The following GRM1 variants were observed in gnomAD, a reference collection of about 807,000 sequenced individuals.
GRM1 encodes the protein glutamate metabotropic receptor 1, also known as metabotropic glutamate receptor 1.
Under a neutral mutation model 90.9 loss-of-function variants are expected in GRM1, and 33 were observed. The observed-to-expected ratio is 0.36, with a 90% CI of 0.28 to 0.49. The LOEUF is 0.49. Ranked by LOEUF, GRM1 falls within the 20% of genes least tolerant of loss-of-function variation. The pLI is 0.99. For synonymous variants in GRM1, 700 were observed against 613.2 expected, an observed-to-expected ratio of 1.14 and a Z score of -2.09; for missense variants, 1,190 against 1,534.3, an observed-to-expected ratio of 0.78 and a Z score of 3.75.
At chr6:146,267,697 GCTCGGCTCGT>G (rs1562568768) in intron 2 of GRM1, among the ~76,000 whole-genome samples, 92 of 110,534 alleles carry the variant, frequency 8.3e-4, no homozygotes, top group African/African-American at 4.2e-3. Context: ...GCTCGGCTCG[GCTCGGCTCGT>G]CTCGTCTCGT....
At chr6:146,358,699 T>A (rs1419504031) in intron 5 of GRM1, among the ~76,000 whole-genome samples, 1 of 152,170 alleles carries the variant, frequency 6.6e-6, no homozygotes, top group African/African-American at 2.4e-5. Flanking sequence ...AGTCATATAA[T>A]GCTAAGTTTA....
intron 5 of GRM1, among the ~76,000 whole-genome samples, chr6:146,377,268 G>A (rs1017526680): frequency 6.6e-6 from 1 of 152,116 alleles, no homozygotes; most frequent in African/African-American, 2.4e-5. Context: ...AGTTTGGAGG[G>A]CTCAGAAGAA....
intron 5 of GRM1, among the ~76,000 whole-genome samples, chr6:146,368,668 T>C (rs527325827): frequency 6.6e-6 from 1 of 152,096 alleles, no homozygotes; most frequent in South Asian, 2.1e-4. Context: ...GATGTGGTAT[T>C]AAACCATCCT....
At position 146,139,273 on chromosome 6, in the gene GRM1, G is replaced by A. The variant is rs894123624; in HGVS notation, c.701-20075G>A. ...TTGAGAATTATCCATATGCTGAGAA[G>A]AATATGTATTCTGGAGCCATTGGAT... is the stretch of plus-strand genomic sequence containing the variant. On this transcript the variant is annotated intron_variant, in intron 1 of 7. Coordinates refer to ENST00000282753, the MANE Select transcript of GRM1 (RefSeq NM_001278064.2). Among the ~76,000 whole-genome samples the A allele has an allele frequency of 2.0e-5, 3 of 152,272 alleles. No individual in the cohort carries two copies. In the East Asian group the frequency reaches 5.8e-4, roughly 29 times the overall value.
rs2114823289 is a variant in GRM1 at position 146,270,905 on chromosome 6, CTTT to C, written c.951-33705_951-33703del. Among the ~76,000 whole-genome samples the C allele has an allele frequency of 4.9e-4, 55 of 112,804 alleles. 1 individual carries two copies. Among genetic ancestry groups the C allele is most frequent in the African/African-American group, 2.3e-3 (54 of 23,820 alleles). The allele number at this position is 112,804 out of a possible 152,430, so 74.0% of individuals were successfully genotyped here. ...TCTTTCTTTCTTTCTTTCTTTCTTT[CTTT>C]CTTTCTTCCTTCCTTCCTTCCTTCC... On this transcript the variant is annotated intron_variant, in intron 2 of 7. Coordinates refer to ENST00000282753, the MANE Select transcript of GRM1 (RefSeq NM_001278064.2).
intron 2 of GRM1, among the ~76,000 whole-genome samples, chr6:146,170,436 C>A (rs966227428): frequency 5.9e-5 from 9 of 152,048 alleles, no homozygotes; most frequent in Non-Finnish European, 1.3e-4. Flanking sequence ...TCACATTTCT[C>A]TGAGGCTCCG....
intron 1 of GRM1, among the ~76,000 whole-genome samples, chr6:146,144,674 T>C (rs1457017666): frequency 6.6e-6 from 1 of 152,140 alleles, no homozygotes; most frequent in Non-Finnish European, 1.5e-5. Context: ...AATGAATACC[T>C]GAAAATGTGG....
chr6:146,325,323 A>T (rs1784365439), intron 3 of GRM1, among the ~76,000 whole-genome samples: 1 of 152,226 alleles, frequency 6.6e-6, no homozygotes, highest in Admixed American at 6.5e-5. Context: ...CTATCCTGAG[A>T]TAAGTGACAC....
At chr6:146,113,971 A>G (rs1341489563) in intron 1 of GRM1, among the ~76,000 whole-genome samples, 1 of 152,126 alleles carries the variant, frequency 6.6e-6, no homozygotes, top group Non-Finnish European at 1.5e-5. Flanking sequence ...GAACTGAGCC[A>G]TGTACTCCTC....
At chr6:146,353,719 C>G (rs1165790886) in intron 4 of GRM1, among the ~76,000 whole-genome samples, 1 of 152,144 alleles carries the variant, frequency 6.6e-6, no homozygotes, top group Non-Finnish European at 1.5e-5. Flanking sequence ...AATTTCTGTC[C>G]CCCAGATTCA....
chr6:146,161,604 A>G (rs2128891757), intron 2 of GRM1, among the ~76,000 whole-genome samples: 1 of 152,182 alleles, frequency 6.6e-6, no homozygotes, highest in East Asian at 1.9e-4. Flanking sequence ...GTCTCAATGA[A>G]CACCTGAGCT....
chr6:146,351,373 G>A (rs1256041546), intron 3 of GRM1, among the ~76,000 whole-genome samples: 1 of 152,148 alleles, frequency 6.6e-6, no homozygotes, highest in Non-Finnish European at 1.5e-5. Context: ...TGCCAGTGAT[G>A]TTTTCCAAAT....
chr6:146,174,077 T>G (rs1484534714), intron 2 of GRM1, among the ~76,000 whole-genome samples: 1 of 152,066 alleles, frequency 6.6e-6, no homozygotes, highest in Non-Finnish European at 1.5e-5. Flanking sequence ...AGAGATAAAT[T>G]TTATCTCTAA....
intron 7 of GRM1, among the ~76,000 whole-genome samples, chr6:146,405,704 T>G (rs1777321777): frequency 6.9e-6 from 1 of 144,968 alleles, no homozygotes; most frequent in South Asian, 2.1e-4. Context: ...GTTTTTTTGT[T>G]TGTTTGTTTG....
chr6:146,083,293 G>A (rs993655202), intron 1 of GRM1, among the ~76,000 whole-genome samples: 1 of 152,170 alleles, frequency 6.6e-6, no homozygotes, highest in Non-Finnish European at 1.5e-5. Flanking sequence ...GTGAGAGAGA[G>A]CATCCTTGTC....
At chr6:146,237,525 GTTTA>G (rs1299543022) in intron 2 of GRM1, among the ~76,000 whole-genome samples, 2 of 121,674 alleles carry the variant, frequency 1.6e-5, no homozygotes, top group African/African-American at 3.1e-5. Flanking sequence ...ATGAATAATT[GTTTA>G]TTTATAAAAT....
chr6:146,411,236 C>A (rs1777556013), intron 7 of GRM1, among the ~76,000 whole-genome samples: 1 of 152,052 alleles, frequency 6.6e-6, no homozygotes, highest in African/African-American at 2.4e-5. Flanking sequence ...GGAAGCATTA[C>A]CCTAGCTAAG....
intron 2 of GRM1, among the ~76,000 whole-genome samples, chr6:146,234,710 A>G (rs891433082): frequency 6.6e-6 from 1 of 152,132 alleles, no homozygotes; most frequent in African/African-American, 2.4e-5. Flanking sequence ...AGAAAAACTA[A>G]AATAAGAAAA....
At chr6:146,140,117 C>CTT (rs1348647296) in intron 1 of GRM1, among the ~76,000 whole-genome samples, 1 of 118,462 alleles carries the variant, frequency 8.4e-6, no homozygotes, top group African/African-American at 3.3e-5. Context: ...TTCTTTCTTT[C>CTT]TTTCTTTCTT....
Sources: allele counts gnomAD v4.1 joint callset (sites outside exome capture counted in the v4.1 genomes callset), GRCh38; gene constraint gnomAD v4.1.1; transcripts MANE v1.5; gene names NCBI Gene and HGNC (gene_info 2026-07-23, HGNC 2026-07-21).